SLC12A1: variants seen among roughly 807,000 people sequenced by gnomAD.
The protein encoded by SLC12A1 is Na-K-2Cl cotransporter.
In SLC12A1, 89 loss-of-function variants were observed where a neutral mutation model predicts 130.4. That is an observed-to-expected ratio of 0.68 (90% confidence interval 0.58 to 0.81). The LOEUF is 0.81. Among genes scored for constraint, SLC12A1 ranks in the 40% least tolerant of loss-of-function variants. The pLI, the probability that SLC12A1 is intolerant of heterozygous loss-of-function variation, is 0.00. For synonymous variants in SLC12A1, 499 were observed against 460.0 expected, an observed-to-expected ratio of 1.08 and a Z score of -1.09; for missense variants, 1,310 against 1,336.4, an observed-to-expected ratio of 0.98 and a Z score of 0.31.
At chr15:48,294,811 G>C (rs1028947273) in intron 24 of SLC12A1, among the ~76,000 whole-genome samples, 1 of 147,366 alleles carries the variant, frequency 6.8e-6, no homozygotes, top group Non-Finnish European at 1.5e-5. Flanking sequence ...GTTGTCTAGT[G>C]GGTAGTCACT....
At chr15:48,292,079 G>A (rs1455678979) in intron 24 of SLC12A1, among the ~76,000 whole-genome samples, 1 of 152,226 alleles carries the variant, frequency 6.6e-6, no homozygotes, top group Non-Finnish European at 1.5e-5. Context: ...CTGAGAGGGA[G>A]AATTGTTGAA....
chr15:48,246,591 G>C (rs894805788), intron 11 of SLC12A1, among the ~76,000 whole-genome samples: 1 of 152,112 alleles, frequency 6.6e-6, no homozygotes, highest in African/African-American at 2.4e-5. Context: ...GACCAGCCTG[G>C]CCAACATGGT....
intron 10 of SLC12A1, among the ~76,000 whole-genome samples, chr15:48,241,933 A>G (rs778663055): frequency 2.0e-5 from 3 of 152,212 alleles, no homozygotes; most frequent in Non-Finnish European, 4.4e-5. Context: ...TTGTTCTAGG[A>G]GGCAGGAGAG....
chr15:48,288,072 C>T lies in SLC12A1; in HGVS notation c.2659C>T (p.His887Tyr), dbSNP rs761522314. Residue 887 changes from histidine to tyrosine, a missense_variant, in exon 22 of 27, where the codon CAT becomes TAT. Physicochemically the swap from His to Tyr is moderately conservative, Grantham distance 83. Coordinates refer to ENST00000380993, the MANE Select transcript of SLC12A1 (RefSeq NM_000338.3). ...DGSINTSQSMHVGEFNQKLVE... is the reference protein window; with the variant it reads ...DGSINTSQSMYVGEFNQKLVE... Reference sequence around the variant, plus strand: ...CAGCATTAACACAAGCCAGTCGATGCATGTGGGAGAGTTCAACCAGAAACT... The same window carrying T: ...CAGCATTAACACAAGCCAGTCGATGTATGTGGGAGAGTTCAACCAGAAACT... 6.2e-7 allele frequency: 1 copy of T among 1,610,954 alleles called. No homozygotes were observed. Among genetic ancestry groups the T allele is most frequent in the South Asian group, 1.1e-5 (1 of 90,286 alleles).
At chr15:48,221,635 A>G (rs2041217693) in intron 4 of SLC12A1, among the ~76,000 whole-genome samples, 1 of 152,216 alleles carries the variant, frequency 6.6e-6, no homozygotes, top group African/African-American at 2.4e-5. Context: ...TTAATGTTTT[A>G]AATATTACAT....
intron 4 of SLC12A1, 101 bp from the exon 5 acceptor site, chr15:48,226,375 T>G: frequency 2.9e-6 from 2 of 689,370 alleles, no homozygotes; most frequent in South Asian, 2.1e-5. Context: ...GCCCGAGGCA[T>G]GGACCTGAAA....
At position 48,302,832 on chromosome 15, in the gene SLC12A1, C is replaced by T. The variant is rs748494597; in HGVS notation, c.3247C>T (p.Pro1083Ser). ...GGAAATCCTCACAAAGAACCTCCCA[C>T]CTGTCTTACTAGTTAGAGGAAATCA... ...WLEILTKNLP[P>S]VLLVRGNHKN... is the part of the protein sequence containing the mutation. The change falls in exon 27 of 27, where the codon CCT becomes TCT. Residue 1083 changes from proline (P) to serine (S), a missense_variant. Coordinates refer to ENST00000380993, the MANE Select transcript of SLC12A1 (RefSeq NM_000338.3). 1.8e-5 allele frequency: 29 copies of T among 1,612,706 alleles called. No homozygotes were observed. The highest frequency in any genetic ancestry group is 2.5e-5 in the Non-Finnish European group (29 of 1,179,024).
intron 23 of SLC12A1, among the ~76,000 whole-genome samples, chr15:48,289,761 T>C (rs937448042): frequency 4.6e-5 from 7 of 152,094 alleles, no homozygotes; most frequent in African/African-American, 1.7e-4. Context: ...AATGGTCCAC[T>C]TGTATTGGGC....
chr15:48,231,167 T>C (rs2041371976), intron 7 of SLC12A1, among the ~76,000 whole-genome samples: 2 of 152,144 alleles, frequency 1.3e-5, no homozygotes, highest in Non-Finnish European at 2.9e-5. Context: ...TATAAGTCAA[T>C]AGAAAACATT....
intron 4 of SLC12A1, chr15:48,225,321 A>G (rs1004797625): frequency 9.9e-5 from 15 of 152,164 alleles, no homozygotes; most frequent in African/African-American, 3.4e-4. Flanking sequence ...ATGTGACCAA[A>G]TGTACATAAA....
intron 23 of SLC12A1, among the ~76,000 whole-genome samples, chr15:48,290,717 T>C (rs1240526251): frequency 1.3e-5 from 2 of 152,136 alleles, no homozygotes; most frequent in Non-Finnish European, 2.9e-5. Flanking sequence ...TATGCATATA[T>C]GCATATATGC....
At chr15:48,240,695 T>C (rs1277199812) in intron 9 of SLC12A1, among the ~76,000 whole-genome samples, 3 of 152,194 alleles carry the variant, frequency 2.0e-5, no homozygotes, top group Admixed American at 2.0e-4. Context: ...AATTCAATAT[T>C]TATTGACTCC....
intron 2 of SLC12A1, among the ~76,000 whole-genome samples, chr15:48,210,811 T>A (rs1185442701): frequency 6.6e-6 from 1 of 151,256 alleles, no homozygotes; most frequent in Non-Finnish European, 1.5e-5. Context: ...TGCGGTGAGC[T>A]GAGATAGTGC....
chr15:48,211,323 C>G (rs1284042468), intron 2 of SLC12A1, among the ~76,000 whole-genome samples: 2 of 152,164 alleles, frequency 1.3e-5, no homozygotes, highest in African/African-American at 4.8e-5. Flanking sequence ...TTTAATTTAT[C>G]TTTTTATTGC....
chr15:48,248,112 G>A (rs2041604164), intron 13 of SLC12A1, among the ~76,000 whole-genome samples: 1 of 152,162 alleles, frequency 6.6e-6, no homozygotes, highest in Non-Finnish European at 1.5e-5. Context: ...CACTTTTGCT[G>A]ATGAGCATAT....
chr15:48,243,345 A>C (rs908172994), intron 10 of SLC12A1, among the ~76,000 whole-genome samples: 3 of 152,070 alleles, frequency 2.0e-5, no homozygotes, highest in Non-Finnish European at 4.4e-5. Context: ...ATTATTTAAA[A>C]TGGCTCTTTC....
At chr15:48,256,510 A>G (rs981187044) in intron 16 of SLC12A1, among the ~76,000 whole-genome samples, 2 of 152,224 alleles carry the variant, frequency 1.3e-5, no homozygotes, top group Non-Finnish European at 2.9e-5. Context: ...TTTTAAAAAA[A>G]GAGGCTTAAT....
intron 20 of SLC12A1, 149 bp downstream of exon 20, chr15:48,274,802 C>T (rs975130533): frequency 3.7e-5 from 20 of 544,452 alleles, no homozygotes; most frequent in Non-Finnish European, 1.6e-5. Flanking sequence ...GCATATAGTT[C>T]CCCCAGTATT....
At chr15:48,297,509 A>G (rs192798518) in intron 24 of SLC12A1, among the ~76,000 whole-genome samples, 48 of 152,260 alleles carry the variant, frequency 3.2e-4, no homozygotes, top group African/African-American at 9.6e-4. Flanking sequence ...AGCAACCTCT[A>G]CTCCACCTTC....
Sources: gnomAD v4.1 joint callset for allele counts (sites outside exome capture counted in the v4.1 genomes callset) on GRCh38, gnomAD v4.1.1 for gene constraint, MANE v1.5 for transcripts, NCBI Gene and HGNC (gene_info 2026-07-23, HGNC 2026-07-21) for gene names.